AGK: variants seen among roughly 807,000 people sequenced by gnomAD.
AGK encodes the protein acylglycerol kinase, mitochondrial.
Under a neutral mutation model 66.4 loss-of-function variants are expected in AGK, and 52 were observed. The ratio of observed to expected loss-of-function variants is 0.78; its 90% confidence interval spans 0.63 to 0.99. The LOEUF (loss-of-function observed/expected upper bound fraction) is 0.99, where lower values mean the gene tolerates loss of function less well. Ranked by LOEUF, AGK falls within the 50% of genes least tolerant of loss-of-function variation. The pLI, the probability that AGK is intolerant of heterozygous loss-of-function variation, is 0.00. For missense variants in AGK, 451 were observed against 506.6 expected (o/e 0.89, Z 1.05); for synonymous variants, 182 against 181.1 (o/e 1.00, Z -0.04).
chr7:141,577,481 C>A (rs551461644), intron 2 of AGK, among the ~76,000 whole-genome samples: 1 of 152,108 alleles, frequency 6.6e-6, no homozygotes, highest in African/African-American at 2.4e-5. Context: ...GTCATGTGAC[C>A]ACAAAAAATT....
intron 8 of AGK, among the ~76,000 whole-genome samples, chr7:141,618,530 A>G (rs1302101067): frequency 1.3e-5 from 2 of 152,226 alleles, no homozygotes; most frequent in African/African-American, 4.8e-5. Flanking sequence ...CAAACAGTAA[A>G]TAAATAGGTT....
chr7:141,552,516 C>A (rs1199733576), intron 1 of AGK, among the ~76,000 whole-genome samples: 2 of 152,200 alleles, frequency 1.3e-5, no homozygotes, highest in African/African-American at 4.8e-5. Flanking sequence ...CGGGAAGGGG[C>A]AGTTCCCAGG....
chr7:141,603,963 A>G (rs1001505901), intron 5 of AGK, among the ~76,000 whole-genome samples: 2 of 152,184 alleles, frequency 1.3e-5, no homozygotes, highest in Admixed American at 1.3e-4. Flanking sequence ...CTCTTTTATC[A>G]TCTTACACTG....
At chr7:141,565,840 C>A (rs1795456386) in intron 2 of AGK, among the ~76,000 whole-genome samples, 1 of 152,166 alleles carries the variant, frequency 6.6e-6, no homozygotes, top group Admixed American at 6.5e-5. Flanking sequence ...TAACAGCCTC[C>A]TCACTGTTCT....
Position 141,598,898 on chromosome 7 carries a change from A to G in AGK, c.221+2257A>G, listed in dbSNP as rs561330369. 1.3e-5 allele frequency: 2 copies of G among 152,310 alleles called. No individual in the cohort carries two copies. Among genetic ancestry groups the G allele is most frequent in the East Asian group, 3.9e-4 (2 of 5,184 alleles). The allele number at this position is 152,310 out of a possible 1,614,324, so 9.4% of individuals were successfully genotyped here. ...AGAGGTATCTACATTTTTAAAATTA[A>G]TAAGCAAATTTTTCAGAGCAATTTT... On this transcript the variant is annotated intron_variant, in intron 4 of 15. Transcript: ENST00000649286. The surrounding 1 kb of genome is among the most constrained non-coding windows in gnomAD (Gnocchi z 4.2).
At position 141,654,677 on chromosome 7, in the gene AGK, G is replaced by GAT. The variant is rs1460885726; in HGVS notation, c.*1755_*1756dup. The GAT allele has an allele frequency of 1.3e-5, 2 of 152,342 alleles. No homozygotes were observed. The highest frequency in any genetic ancestry group is 3.9e-4 in the East Asian group (2 of 5,194). The allele number at this position is 152,342 out of a possible 1,614,324, so 9.4% of individuals were successfully genotyped here. A position where few individuals can be genotyped will look rare whatever the true frequency, so the allele number is the denominator to read the frequency against. ...TCTAGGGGGCAGTGCACCACAGGAA[G>GAT]ATAGATCAATGAGGGAGGATTGCGA... is the stretch of plus-strand genomic sequence containing the variant. On this transcript the variant is annotated 3_prime_UTR_variant, in exon 16 of 16. Coordinates refer to ENST00000649286, the MANE Select transcript of AGK (RefSeq NM_018238.4).
chr7:141,624,908 GGAT>G (rs533432679), intron 9 of AGK, among the ~76,000 whole-genome samples: 112 of 152,294 alleles, frequency 7.4e-4, no homozygotes, highest in African/African-American at 2.6e-3. Flanking sequence ...ATTCATGAAA[GGAT>G]GAGTCAACAG....
intron 2 of AGK, among the ~76,000 whole-genome samples, chr7:141,578,079 C>G (rs1455419603): frequency 6.6e-6 from 1 of 152,086 alleles, no homozygotes; most frequent in Non-Finnish European, 1.5e-5. Context: ...GCCTCAGTAT[C>G]ACGCGCGTCC....
At chr7:141,559,609 A>G (rs558678727) in intron 2 of AGK, among the ~76,000 whole-genome samples, 50 of 152,266 alleles carry the variant, frequency 3.3e-4, no homozygotes, top group African/African-American at 1.1e-3. Flanking sequence ...TTGAGATTCC[A>G]TATGAATTTT....
chr7:141,634,443 T>C (rs1797126076), intron 10 of AGK, among the ~76,000 whole-genome samples: 1 of 152,144 alleles, frequency 6.6e-6, no homozygotes, highest in Non-Finnish European at 1.5e-5. Context: ...CCGCTGCTCT[T>C]AGAGGAGGAA....
At chr7:141,601,082 C>A in intron 4 of AGK, 123 bp from the exon 5 acceptor site, 1 of 633,062 alleles carries the variant, frequency 1.6e-6, no homozygotes, top group African/African-American at 1.9e-5. Flanking sequence ...TGTGCTTGAA[C>A]AAATAAAGGA....
intron 4 of AGK, among the ~76,000 whole-genome samples, chr7:141,599,502 T>C (rs1370104732): frequency 6.6e-6 from 1 of 152,192 alleles, no homozygotes; most frequent in Admixed American, 6.5e-5. Context: ...TCTGAACTTA[T>C]AACATCATAT....
chr7:141,574,678 AT>A (rs1562961922), intron 2 of AGK, among the ~76,000 whole-genome samples: 8 of 152,220 alleles, frequency 5.3e-5, no homozygotes, highest in African/African-American at 1.9e-4. Flanking sequence ...TCATTAAGTC[AT>A]TTCCCATCCT....
intron 5 of AGK, among the ~76,000 whole-genome samples, chr7:141,609,971 G>T (rs58644232): frequency 1.5e-4 from 22 of 143,844 alleles, no homozygotes; most frequent in Admixed American, 1.0e-3. Flanking sequence ...GTTTTTTTTT[G>T]TTTTTTTTTT....
At chr7:141,607,114 CA>C (rs988068235) in intron 5 of AGK, among the ~76,000 whole-genome samples, 14 of 152,026 alleles carry the variant, frequency 9.2e-5, no homozygotes, top group African/African-American at 3.4e-4. Context: ...TTGCTATAAA[CA>C]TTAATGTGCA....
intron 5 of AGK, among the ~76,000 whole-genome samples, chr7:141,608,109 G>A (rs539057192): frequency 8.5e-5 from 13 of 152,110 alleles, no homozygotes; most frequent in East Asian, 3.9e-4. Flanking sequence ...TTCCCTATCC[G>A]TCCTTAAAGA....
chr7:141,625,803 A>G (rs1361315501), intron 9 of AGK, among the ~76,000 whole-genome samples: 1 of 152,076 alleles, frequency 6.6e-6, no homozygotes, highest in East Asian at 1.9e-4. Flanking sequence ...CTACTTGGTC[A>G]TCTTGCAATC....
intron 11 of AGK, among the ~76,000 whole-genome samples, chr7:141,637,984 G>A (rs542784385): frequency 1.6e-4 from 24 of 152,250 alleles, no homozygotes; most frequent in Admixed American, 5.2e-4. Flanking sequence ...GTTATTCCTC[G>A]AGTTTCATTG....
chr7:141,552,488 G>C (rs934969107), intron 1 of AGK, among the ~76,000 whole-genome samples: 2 of 152,174 alleles, frequency 1.3e-5, no homozygotes, highest in African/African-American at 4.8e-5. Context: ...CTTAATTCCA[G>C]AACAAATGAG....
Sources: allele counts gnomAD v4.1 joint callset (sites outside exome capture counted in the v4.1 genomes callset), GRCh38; gene constraint gnomAD v4.1.1; non-coding constraint Gnocchi (gnomAD v3.1); transcripts MANE v1.5; gene names NCBI Gene and HGNC (gene_info 2026-07-23, HGNC 2026-07-21).